The following TAX1BP1 variants were observed in gnomAD, a reference collection of about 807,000 sequenced individuals.
TAX1BP1 encodes the protein Tax1 binding protein 1, also known as tax1-binding protein 1.
A neutral mutation model predicts 97.7 loss-of-function variants in TAX1BP1; 62 were observed. That is an observed-to-expected ratio of 0.63 (90% CI 0.52 to 0.78). The LOEUF is 0.78. Ranked by LOEUF, TAX1BP1 falls within the 30% of genes least tolerant of loss-of-function variation. The pLI is 0.00. For synonymous variants in TAX1BP1, 340 were observed against 304.2 expected (o/e 1.12, Z -1.23); for missense variants, 867 against 916.1 (o/e 0.95, Z 0.69).
intron 4 of TAX1BP1, among the ~76,000 whole-genome samples, chr7:27,769,315 T>G (rs1400293807): frequency 6.6e-6 from 1 of 151,980 alleles, no homozygotes; most frequent in African/African-American, 2.4e-5. Flanking sequence ...AGGTACAACT[T>G]TTCCTCTTGG....
chr7:27,755,392 T>C (rs533807039), intron 2 of TAX1BP1, among the ~76,000 whole-genome samples: 1 of 152,260 alleles, frequency 6.6e-6, no homozygotes, highest in South Asian at 2.1e-4. Flanking sequence ...CCCTCTTCTC[T>C]ATTTCTTTCT....
intron 5 of TAX1BP1, among the ~76,000 whole-genome samples, chr7:27,774,144 T>TG (rs1422841711): frequency 1.3e-5 from 2 of 152,092 alleles, no homozygotes; most frequent in African/African-American, 4.8e-5. Context: ...ATCATAGGTA[T>TG]GGGAGTGAGA....
intron 1 of TAX1BP1, among the ~76,000 whole-genome samples, chr7:27,745,727 T>G (rs1352695544): frequency 3.3e-5 from 5 of 150,182 alleles, no homozygotes; most frequent in Admixed American, 1.3e-4. Flanking sequence ...AATGTGAAAT[T>G]CAGGGGAGGG....
intron 15 of TAX1BP1, among the ~76,000 whole-genome samples, chr7:27,821,986 C>T (rs11761467): frequency 0.11 from 16,372 of 152,180 alleles, 931 homozygotes; most frequent in South Asian, 0.12. Context: ...CATGTTTTAG[C>T]ATGCATCCAT....
intron 8 of TAX1BP1, among the ~76,000 whole-genome samples, chr7:27,790,176 A>G (rs976918675): frequency 1.3e-5 from 2 of 151,934 alleles, no homozygotes; most frequent in African/African-American, 2.4e-5. Context: ...TTTTCCTTTT[A>G]AAAAAATTTA....
Position 27,805,182 on chromosome 7 carries a change from A to G in TAX1BP1, c.1764+5092A>G, listed in dbSNP as rs558135214. On this transcript the variant is annotated intron_variant, in intron 13 of 16. Transcript: ENST00000396319. The stretch of plus-strand genomic sequence containing the variant: ...CCTGTTTCCCATATAAATTGTAATC[A>G]GGCTTTCTAATTTTTGCATATGGGA... 4.6e-5 allele frequency among the ~76,000 whole-genome samples: 7 copies of G among 152,308 alleles called. No individual in the cohort carries two copies. In the South Asian group the frequency reaches 1.2e-3, roughly 27 times the overall value.
intron 1 of TAX1BP1, among the ~76,000 whole-genome samples, chr7:27,742,265 C>T (rs904368942): frequency 6.6e-6 from 1 of 152,162 alleles, no homozygotes; most frequent in Non-Finnish European, 1.5e-5. Context: ...TTCAGACTAT[C>T]ACATGGGGAG....
intron 2 of TAX1BP1, among the ~76,000 whole-genome samples, chr7:27,755,567 T>C (rs1473085627): frequency 1.3e-5 from 2 of 152,198 alleles, no homozygotes; most frequent in African/African-American, 4.8e-5. Flanking sequence ...TCAAAACTTA[T>C]CCAACATGTT....
At chr7:27,805,524 A>G (rs1465492346) in intron 13 of TAX1BP1, among the ~76,000 whole-genome samples, 1 of 152,190 alleles carries the variant, frequency 6.6e-6, no homozygotes, top group Non-Finnish European at 1.5e-5. Flanking sequence ...TGTTAGCACC[A>G]TCTGGAAACT....
intron 5 of TAX1BP1, among the ~76,000 whole-genome samples, chr7:27,777,931 G>T (rs540346064): frequency 6.6e-6 from 1 of 152,136 alleles, no homozygotes; most frequent in Non-Finnish European, 1.5e-5. Context: ...AGTTCATTTG[G>T]TTCTTGTTAC....
intron 13 of TAX1BP1, among the ~76,000 whole-genome samples, chr7:27,807,403 G>A (rs6958438): frequency 0.041 from 6,260 of 152,010 alleles, 404 homozygotes; most frequent in African/African-American, 0.14. Flanking sequence ...GCATTTAGTT[G>A]TCATGTGTTT....
chr7:27,827,598 A>T (rs1042931351), intron 15 of TAX1BP1, 140 bp from the exon 16 acceptor site: 31 of 629,238 alleles, frequency 4.9e-5, no homozygotes, highest in Non-Finnish European at 1.9e-5. Flanking sequence ...GTTTATTTGA[A>T]AGTCTAATTA....
intron 2 of TAX1BP1, among the ~76,000 whole-genome samples, chr7:27,751,682 A>G (rs909112916): frequency 2.6e-5 from 4 of 152,176 alleles, no homozygotes; most frequent in African/African-American, 9.7e-5. Flanking sequence ...TTTGATAGAC[A>G]CCATATTGAC....
At chr7:27,815,706 A>G (rs1433703412) in intron 13 of TAX1BP1, among the ~76,000 whole-genome samples, 1 of 152,186 alleles carries the variant, frequency 6.6e-6, no homozygotes, top group Admixed American at 6.5e-5. Context: ...TTATAAAAAA[A>G]TCTTAAGTGA....
intron 13 of TAX1BP1, among the ~76,000 whole-genome samples, chr7:27,801,469 C>T (rs908406628): frequency 6.6e-6 from 1 of 151,992 alleles, no homozygotes; most frequent in African/African-American, 2.4e-5. Context: ...AAGTGTGAAT[C>T]ATGAATTCAT....
chr7:27,768,611 T>C (rs574758759), intron 4 of TAX1BP1, among the ~76,000 whole-genome samples: 4 of 152,134 alleles, frequency 2.6e-5, no homozygotes, highest in African/African-American at 9.6e-5. Context: ...ATGGGTGATA[T>C]ACTTGCCTGG....
intron 5 of TAX1BP1, among the ~76,000 whole-genome samples, chr7:27,782,049 C>G (rs2128315188): frequency 6.6e-6 from 1 of 152,072 alleles, no homozygotes; most frequent in South Asian, 2.1e-4. Context: ...ATTTTTTTCT[C>G]CAAAAATAAA....
At chr7:27,755,107 G>T (rs527700287) in intron 2 of TAX1BP1, among the ~76,000 whole-genome samples, 45 of 152,156 alleles carry the variant, frequency 3.0e-4, no homozygotes, top group African/African-American at 9.9e-4. Flanking sequence ...AACTTTTCTA[G>T]TAACATGATT....
rs1385896339 is a variant in TAX1BP1, at chr7:27,775,035, T to A, written c.612+5201T>A. 3.9e-5 allele frequency among the ~76,000 whole-genome samples: 6 copies of A among 152,292 alleles called. No individual in the cohort carries two copies. In the South Asian group the frequency reaches 1.2e-3, roughly 32 times the overall value. ...TTATGGAATTTGGTTTACATTTATT[T>A]AAGATTGTCCTGATTACAATTTTAA... On this transcript the variant is annotated intron_variant, in intron 5 of 16. Coordinates refer to ENST00000396319, the MANE Select transcript of TAX1BP1 (RefSeq NM_006024.7).
Sources: gnomAD v4.1 joint callset for allele counts (sites outside exome capture counted in the v4.1 genomes callset) on GRCh38, gnomAD v4.1.1 for gene constraint, MANE v1.5 for transcripts, NCBI Gene and HGNC (gene_info 2026-07-23, HGNC 2026-07-21) for gene names.